Variants in ACOT1 observed in about 807,000 individuals in gnomAD.
ACOT1 encodes acyl-CoA thioesterase 1, also known as acyl-coenzyme A thioesterase 1.
A neutral mutation model predicts 15.7 loss-of-function variants in ACOT1; 8 were observed. That is an observed-to-expected ratio of 0.51 (90% CI 0.30 to 0.92). ACOT1 has a LOEUF of 0.92. Ranked by LOEUF, ACOT1 falls within the 40% of genes least tolerant of loss-of-function variation. The pLI is 0.06. For missense variants in ACOT1, 151 were observed against 539.4 expected, an observed-to-expected ratio of 0.28 and a Z score of 7.13; for synonymous variants, 67 against 241.2, an observed-to-expected ratio of 0.28 and a Z score of 6.69.
In ACOT1 at chr14:73,541,605, C is replaced by T. The variant is rs17113939; in HGVS notation, c.570C>T (p.Tyr190=). 6.2e-3 allele frequency: 7,598 copies of T among 1,235,296 alleles called. 1,701 individuals carry two copies. In the African/African-American group the frequency reaches 0.11, roughly 18 times the overall value. 76.5% of individuals were successfully genotyped at this position (1,235,296 alleles called of 1,614,324 possible). Residue 190 remains tyrosine (Y), a synonymous_variant, in exon 2 of 3, where the codon TAC becomes TAT. Coordinates refer to ENST00000311148, the MANE Select transcript of ACOT1 (RefSeq NM_001037161.2). Reference sequence around the variant, plus strand: ...GTTTTGCTGTGATGGCTCTGGCTTACTATAACTATGAAGACCTCCCCAAGA... The same window carrying T: ...GTTTTGCTGTGATGGCTCTGGCTTATTATAACTATGAAGACCTCCCCAAGA... ...GKGFAVMALA[Y]YNYEDLPKTM... is the part of the protein sequence containing the mutation.
At chr14:73,502,886 G>A in the ACOT1 span, 1 of 1,596,792 alleles carries the variant, frequency 6.3e-7, no homozygotes, top group South Asian at 1.1e-5. Flanking sequence ...CATGTTGACT[G>A]GGTCTTACCT....
chr14:73,517,797 A>G, the ACOT1 span, among the ~76,000 whole-genome samples: 2 of 151,796 alleles, frequency 1.3e-5, no homozygotes, highest in Non-Finnish European at 1.5e-5. Context: ...GGAAGGAGAA[A>G]AGAAAAAGAG....
At chr14:73,492,551 CCT>C in the ACOT1 span, 1 of 1,613,870 alleles carries the variant, frequency 6.2e-7, no homozygotes, top group Non-Finnish European at 8.5e-7. The surrounding 1 kb of genome is among the most constrained non-coding windows in gnomAD (Gnocchi z 4.9). Flanking sequence ...TTCTCTGCCC[CCT>C]GTTTTGACTG....
rs1356908440 is a variant in ACOT1 at position 73,543,315 on chromosome 14, T to C, written c.926T>C (p.Ile309Thr). 6.4e-6 allele frequency: 10 copies of C among 1,561,472 alleles called. 2 individuals are homozygous for C. The South Asian group carries it at 1.1e-4, about 18-fold the overall frequency. Residue 309 changes from isoleucine to threonine, a missense_variant, in exon 3 of 3, where the codon ATT becomes ACT. Physicochemically the swap from Ile to Thr is moderately conservative, Grantham distance 89. Coordinates refer to ENST00000311148, the MANE Select transcript of ACOT1 (RefSeq NM_001037161.2). ...GAAGGACCTGACCAGAAGAGCTTCA[T>C]TCCTGTGGAAAGGGCAGAGAGCACC... ...PLEGPDQKSFIPVERAESTFL... is the reference protein window; with the variant it reads ...PLEGPDQKSFTPVERAESTFL...
chr14:73,523,355 G>A, the ACOT1 span: 9 of 554,224 alleles, frequency 1.6e-5, no homozygotes, highest in Non-Finnish European at 2.8e-5. Context: ...TGAGTTAGAA[G>A]AACAAAAGAA....
chr14:73,533,788 G>C (rs767404006), upstream of ACOT1, among the ~76,000 whole-genome samples: 1 of 108,826 alleles, frequency 9.2e-6, no homozygotes, highest in Non-Finnish European at 2.0e-5. Flanking sequence ...CAGCTCATGC[G>C]TGTAATTCTA....
intron 1 of ACOT1, 147 bp downstream of exon 1, chr14:73,538,025 C>CAACA: frequency 1.3e-6 from 1 of 744,538 alleles, no homozygotes; most frequent in Non-Finnish European, 1.8e-6. Flanking sequence ...CCACCCCGGG[C>CAACA]TATGTTGCCC....
chr14:73,496,101 G>T, the ACOT1 span, among the ~76,000 whole-genome samples: 21,627 of 152,098 alleles, frequency 0.14, 2,233 homozygotes, highest in Non-Finnish European at 0.21. Context: ...CTGCACTCCA[G>T]CCTGGGCGAC....
chr14:73,532,154 C>A (rs184273211), upstream of ACOT1, among the ~76,000 whole-genome samples: 83 of 116,062 alleles, frequency 7.2e-4, 22 homozygotes, highest in African/African-American at 2.2e-3. Flanking sequence ...CTCTGGCAGG[C>A]GTCAGATTAC....
At chr14:73,493,313 G>A in the ACOT1 span, 4 of 568,218 alleles carry the variant, frequency 7.0e-6, no homozygotes, top group Non-Finnish European at 1.3e-5. Flanking sequence ...CTTTTTCATG[G>A]GCGGGTCGGG....
the ACOT1 span, among the ~76,000 whole-genome samples, chr14:73,524,659 A>G: frequency 6.7e-6 from 1 of 149,528 alleles, no homozygotes; most frequent in Non-Finnish European, 1.5e-5. Flanking sequence ...TCAGGTTTCA[A>G]ATCTAGCCTA....
At chr14:73,506,471 C>A in the ACOT1 span, 96 of 1,612,662 alleles carry the variant, frequency 6.0e-5, no homozygotes, top group African/African-American at 1.2e-3. Context: ...GTTTACCAAG[C>A]AGACATTTCC....
At chr14:73,508,479 TG>T in the ACOT1 span, among the ~76,000 whole-genome samples, 7 of 152,240 alleles carry the variant, frequency 4.6e-5, no homozygotes, top group African/African-American at 1.7e-4. Flanking sequence ...CTGGGCACGG[TG>T]GCTAACACCT....
chr14:73,509,206 C>T, the ACOT1 span: 1 of 1,106,840 alleles, frequency 9.0e-7, no homozygotes, highest in East Asian at 2.4e-5. Context: ...AAACCCAATA[C>T]AGCAGACATT....
At chr14:73,491,944 G>C in the ACOT1 span, 5 of 1,613,730 alleles carry the variant, frequency 3.1e-6, no homozygotes, top group Non-Finnish European at 4.2e-6. Context: ...CTACTGTGTG[G>C]CAGTTTTTGG....
chr14:73,529,977 T>C, the ACOT1 span, among the ~76,000 whole-genome samples: 1 of 142,868 alleles, frequency 7.0e-6, no homozygotes, highest in Non-Finnish European at 1.5e-5. Context: ...TATTTATTTA[T>C]GTTTGAGACA....
chr14:73,496,558 A>C, the ACOT1 span: 33 of 1,208,584 alleles, frequency 2.7e-5, no homozygotes, highest in Non-Finnish European at 3.9e-5. Flanking sequence ...AACTCTTGAG[A>C]GTCCTGAATT....
At chr14:73,491,094 G>T in the ACOT1 span, 3 of 1,600,836 alleles carry the variant, frequency 1.9e-6, no homozygotes, top group Admixed American at 1.7e-5. Flanking sequence ...CAGCCACACA[G>T]CGGGTCGGTC....
chr14:73,513,147 A>G, the ACOT1 span, among the ~76,000 whole-genome samples: 1 of 152,234 alleles, frequency 6.6e-6, no homozygotes, highest in Non-Finnish European at 1.5e-5. Flanking sequence ...TTTGCTGAGC[A>G]TAAAGTTTGG....
Sources: gnomAD v4.1 joint callset for allele counts (sites outside exome capture counted in the v4.1 genomes callset) on GRCh38, gnomAD v4.1.1 for gene constraint, Gnocchi (gnomAD v3.1) non-coding constraint, MANE v1.5 for transcripts, NCBI Gene and HGNC (gene_info 2026-07-23, HGNC 2026-07-21) for gene names.